The following IFNAR1 variants were observed in gnomAD, a reference collection of about 807,000 sequenced individuals.
IFNAR1 encodes interferon alpha and beta receptor subunit 1.
A neutral mutation model predicts 62.1 loss-of-function variants in IFNAR1; 47 were observed. The ratio of observed to expected loss-of-function variants is 0.76; its 90% CI spans 0.60 to 0.97. The LOEUF is 0.97. IFNAR1 is among the 50% of genes least tolerant of loss of function. IFNAR1 has a pLI of 0.00. For synonymous variants in IFNAR1, 219 were observed against 226.9 expected (o/e 0.97, Z 0.31); for missense variants, 638 against 654.5 (o/e 0.97, Z 0.27).
rs932266641 is a variant in IFNAR1 at position 33,359,647 on chromosome 21, C to T, written c.*4098C>T. ...AGGATTAGTTCGTTCCAAGGAGGCT[C>T]TTCAGTCTCACAGATAAGTAGATCT... On this transcript the variant is annotated 3_prime_UTR_variant, in exon 11 of 11. Transcript: ENST00000270139. 3.3e-5 allele frequency: 5 copies of T among 152,208 alleles called. No homozygotes were observed. Among genetic ancestry groups the T allele is most frequent in the Admixed American group, 6.5e-5 (1 of 15,278 alleles). 9.4% of individuals were successfully genotyped at this position (152,208 alleles called of 1,614,324 possible).
intron 10 of IFNAR1, 81 bp downstream of exon 10, chr21:33,353,864 G>T (rs1035381806): frequency 2.2e-6 from 2 of 919,890 alleles, no homozygotes; most frequent in East Asian, 5.5e-5. Flanking sequence ...ATATATGTAG[G>T]TTTTCTTGAT....
chr21:33,353,888 T>TAA, intron 10 of IFNAR1, 105 bp downstream of exon 10: 1 of 728,720 alleles, frequency 1.4e-6, no homozygotes. Flanking sequence ...CAGAAAATAA[T>TAA]AGAGACTGAT....
At chr21:33,324,643 G>T (rs1349967882), upstream of IFNAR1, 8 of 182,176 alleles carry the variant, frequency 4.4e-5, no homozygotes, top group South Asian at 5.7e-4. Flanking sequence ...GCGCAGGTGT[G>T]TGCCGCGATC....
At position 33,349,080 on chromosome 21, in the gene IFNAR1, T is replaced by C; in HGVS notation, c.789-11T>C. 6.6e-7 allele frequency: 1 copy of C among 1,513,706 alleles called. No individual in the cohort carries two copies. Among genetic ancestry groups the C allele is most frequent in the Non-Finnish European group, 9.0e-7 (1 of 1,107,940 alleles). 93.8% of individuals were successfully genotyped at this position (1,513,706 alleles called of 1,614,324 possible). A position where few individuals can be genotyped will look rare whatever the true frequency, so the allele number is the denominator to read the frequency against. ...ATATCTAATGAATTTAAAAAATATTTGTCTTAAAAGCGCCTTTTTAAAAAG... is the reference window on the plus strand; with the variant it reads ...ATATCTAATGAATTTAAAAAATATTCGTCTTAAAAGCGCCTTTTTAAAAAG... On this transcript the variant is annotated splice_polypyrimidine_tract_variant and intron_variant, in intron 6 of 10. Transcript: ENST00000270139.
At position 33,349,271 on chromosome 21, in the gene IFNAR1, G is replaced by A; in HGVS notation, c.969G>A (p.Lys323=). ...CATCTTTTTGGTCTGAAGAGATAAA[G>A]TTTGATACTGAAATACAAGGTAAGG... ...NNTSFWSEEI[K]FDTEIQAFLL... is the part of the protein sequence containing the mutation. Residue 323 remains lysine, a synonymous_variant, in exon 7 of 11, where the codon AAG becomes AAA. Transcript: ENST00000270139. 6.2e-7 allele frequency: 1 copy of A among 1,605,708 alleles called. No homozygotes were observed. The highest frequency in any genetic ancestry group is 1.3e-5 in the African/African-American group (1 of 74,850).
At position 33,349,169 on chromosome 21, in the gene IFNAR1, C is replaced by A. The variant is rs72552386; in HGVS notation, c.867C>A (p.Thr289=). The A allele has an allele frequency of 5.1e-4, 822 of 1,612,278 alleles. 3 individuals carry two copies. In the African/African-American group the frequency reaches 9.5e-3, roughly 19 times the overall value. ...CTGACTGTGAAAATGTCAAAACTAC[C>A]CAGTGTGTCTTTCCTCAAAACGTTT... ...QIPDCENVKT[T]QCVFPQNVFQ... Residue 289 remains threonine, a synonymous_variant, in exon 7 of 11, where the codon ACC becomes ACA. Coordinates refer to ENST00000270139, the MANE Select transcript of IFNAR1 (RefSeq NM_000629.3).
Position 33,343,429 on chromosome 21 carries a change from A to G in IFNAR1, c.531+7A>G, listed in dbSNP as rs1384856203. Reference sequence around the variant, plus strand: ...AAACTCTTCAGGTGTAGAAGTAAGCATTATTTTTACCTCTGTTTAATCGAT... The same window carrying G: ...AAACTCTTCAGGTGTAGAAGTAAGCGTTATTTTTACCTCTGTTTAATCGAT... On this transcript the variant is annotated splice_region_variant and intron_variant, in intron 4 of 10. Coordinates refer to ENST00000270139, the MANE Select transcript of IFNAR1 (RefSeq NM_000629.3). The G allele has an allele frequency of 6.2e-7, 1 of 1,607,282 alleles. No individual in the cohort carries two copies.
intron 1 of IFNAR1, among the ~76,000 whole-genome samples, chr21:33,328,830 A>G (rs980309298): frequency 1.3e-5 from 2 of 152,138 alleles, no homozygotes; most frequent in Admixed American, 6.5e-5. Context: ...TGCATTATAT[A>G]TATATTAGAT....
chr21:33,340,591 AATAAGGAAG>A (rs1442209993), intron 2 of IFNAR1, among the ~76,000 whole-genome samples: 5 of 151,780 alleles, frequency 3.3e-5, no homozygotes, highest in African/African-American at 9.7e-5. Flanking sequence ...CCAAACTTTC[AATAAGGAAG>A]ATAAGATCCA....
intron 1 of IFNAR1, among the ~76,000 whole-genome samples, chr21:33,330,386 A>G (rs2083164795): frequency 6.6e-6 from 1 of 152,172 alleles, no homozygotes; most frequent in South Asian, 2.1e-4. Context: ...GCCGGATATT[A>G]AAGACTAGGA....
In IFNAR1 at chr21:33,341,061, A is replaced by G. The variant is rs577823502; in HGVS notation, c.263A>G (p.Asn88Ser). ...CAGAATATTACTAGTACCAAATGCA[A>G]CTTTTCTTCACTCAAGCTGAATGTT... Reference protein sequence around the residue: ...GCQNITSTKCNFSSLKLNVYE... With the variant: ...GCQNITSTKCSFSSLKLNVYE... Residue 88 changes from asparagine (N) to serine (S), a missense_variant, in exon 3 of 11, where the codon AAC becomes AGC. Physicochemically the swap from Asn to Ser is conservative, Grantham distance 46. Transcript: ENST00000270139. 9 of 1,612,490 alleles carry G rather than the reference A, an allele frequency of 5.6e-6. No homozygotes were observed. The highest frequency in any genetic ancestry group is 2.7e-5 in the African/African-American group (2 of 74,998).
At chr21:33,324,489 A>T (rs1216036055), upstream of IFNAR1, 5 of 152,910 alleles carry the variant, frequency 3.3e-5, no homozygotes, top group Non-Finnish European at 7.3e-5. Context: ...TCCCAACGCC[A>T]CTGTCCAAGA....
intron 1 of IFNAR1, among the ~76,000 whole-genome samples, chr21:33,330,125 G>A (rs936905642): frequency 2.6e-5 from 4 of 152,168 alleles, no homozygotes; most frequent in African/African-American, 7.2e-5. Flanking sequence ...AGCTGTGCAC[G>A]TTATTAGAGC....
chr21:33,351,274 A>C (rs2083394626), intron 8 of IFNAR1, among the ~76,000 whole-genome samples: 1 of 152,104 alleles, frequency 6.6e-6, no homozygotes, highest in Non-Finnish European at 1.5e-5. Context: ...CTGGAGCCCA[A>C]GTAGATGTGC....
Position 33,355,439 on chromosome 21 carries a change from G to A in IFNAR1, c.1564G>A (p.Glu522Lys). The A allele has an allele frequency of 1.3e-6, 2 of 1,598,708 alleles. No individual in the cohort carries two copies. Among genetic ancestry groups the A allele is most frequent in the Non-Finnish European group, 1.7e-6 (2 of 1,169,016 alleles). ...AGTAGAAGAAACTAATCAAACTGAT[G>A]AAGATCATAAAAAATACAGTTCCCA... ...ATVEETNQTD[E>K]DHKKYSSQTS... Residue 522 changes from glutamate to lysine, a missense_variant, in exon 11 of 11, where the codon GAA (glutamate) becomes AAA (lysine). Transcript: ENST00000270139.
chr21:33,348,400 A>C (rs979559508), intron 6 of IFNAR1, among the ~76,000 whole-genome samples: 1 of 152,250 alleles, frequency 6.6e-6, no homozygotes, highest in Non-Finnish European at 1.5e-5. Context: ...GCTACAATAG[A>C]TAAAGATAGC....
chr21:33,352,710 T>C (rs568448897), intron 8 of IFNAR1, 48 bp from the exon 9 acceptor site: 1 of 1,082,690 alleles, frequency 9.2e-7, no homozygotes, highest in Non-Finnish European at 1.4e-6. Flanking sequence ...TATTCCCTGA[T>C]TTCTTGAGGT....
Position 33,348,735 on chromosome 21 carries a change from A to G in IFNAR1, c.789-356A>G, listed in dbSNP as rs531321710. Among the ~76,000 whole-genome samples, 144 of 152,174 alleles carry G rather than the reference A, an allele frequency of 9.5e-4. 1 individual carries two copies. Among genetic ancestry groups the G allele is most frequent in the African/African-American group, 3.2e-3 (132 of 41,516 alleles). On this transcript the variant is annotated intron_variant, in intron 6 of 10. Coordinates refer to ENST00000270139, the MANE Select transcript of IFNAR1 (RefSeq NM_000629.3). ...GGAGAATTGCTTGAACCCAGGAGGC[A>G]GAGGTTGCAGTGAGCCAAGATCCTA...
intron 10 of IFNAR1, among the ~76,000 whole-genome samples, chr21:33,354,698 T>TTGAGCAAGTCACTAAGGGCAGG (rs1407465584): frequency 6.6e-6 from 1 of 152,172 alleles, no homozygotes; most frequent in East Asian, 1.9e-4. Context: ...TTTTGTGAAT[T>TTGAGCAAGTCACTAAGGGCAGG]TGAGCAAGTC....
Sources: allele counts gnomAD v4.1 joint callset (sites outside exome capture counted in the v4.1 genomes callset), GRCh38; gene constraint gnomAD v4.1.1; transcripts MANE v1.5; gene names NCBI Gene and HGNC (gene_info 2026-07-23, HGNC 2026-07-21).